Variants in OR7D2 observed in about 807,000 individuals in gnomAD.
The protein encoded by OR7D2 is olfactory receptor 7D2.
For missense variants in OR7D2, 370 were observed against 384.1 expected, an observed-to-expected ratio of 0.96 and a Z score of 0.31; for synonymous variants, 158 against 158.7, an observed-to-expected ratio of 1.00 and a Z score of 0.03.
At chr19:9,184,710 TTTG>T (rs1243131287) in intron 2 of OR7D2, among the ~76,000 whole-genome samples, 2 of 152,124 alleles carry the variant, frequency 1.3e-5, no homozygotes, top group Non-Finnish European at 2.9e-5. Flanking sequence ...TATATGTACA[TTTG>T]TGTGTGTGTA....
At chr19:9,182,986 C>A (rs2051001931) in intron 2 of OR7D2, 1 of 461,436 alleles carries the variant, frequency 2.2e-6, no homozygotes, top group Admixed American at 2.5e-5. Context: ...CAGATAATAT[C>A]AATTTGACAT....
At chr19:9,181,786 G>C (rs961922503) in intron 2 of OR7D2, among the ~76,000 whole-genome samples, 1 of 152,042 alleles carries the variant, frequency 6.6e-6, no homozygotes, top group Non-Finnish European at 1.5e-5. Context: ...CATTTTTGAA[G>C]AGCACAAGTG....
intron 2 of OR7D2, among the ~76,000 whole-genome samples, chr19:9,183,833 T>C (rs1369726885): frequency 1.3e-5 from 2 of 148,410 alleles, no homozygotes; most frequent in East Asian, 4.0e-4. Flanking sequence ...GGCGGGCGCC[T>C]GTAGTCCCAG....
intron 2 of OR7D2, among the ~76,000 whole-genome samples, chr19:9,184,333 A>C (rs2051014491): frequency 6.6e-6 from 1 of 151,972 alleles, no homozygotes; most frequent in South Asian, 2.1e-4. Flanking sequence ...AGAATCGCTT[A>C]AACTTGGGAG....
At position 9,188,243 on chromosome 19, in the gene OR7D2, C is replaced by T. The variant is rs1260650672; in HGVS notation, c.*1523C>T. Reference sequence around the variant, plus strand: ...AGTAGCTGGGACTACAGGCACCTGCCACCCCACCCAGCTAATTCTTCTATT... The same window carrying T: ...AGTAGCTGGGACTACAGGCACCTGCTACCCCACCCAGCTAATTCTTCTATT... On this transcript the variant is annotated 3_prime_UTR_variant, in exon 3 of 3. Transcript: ENST00000641288. The T allele has an allele frequency of 1.3e-5, 2 of 152,214 alleles. No homozygotes were observed. The highest frequency in any genetic ancestry group is 3.2e-3 in the Middle Eastern group (1 of 316). 9.4% of individuals were successfully genotyped at this position (152,214 alleles called of 1,614,324 possible). A position where few individuals can be genotyped will look rare whatever the true frequency, so the allele number is the denominator to read the frequency against.
rs1407928401 is a variant in OR7D2 at position 9,185,751 on chromosome 19, T to A, written c.-13-18T>A. 6.7e-7 allele frequency: 1 copy of A among 1,482,756 alleles called. No homozygotes were observed. The highest frequency in any genetic ancestry group is 2.0e-5 in the Admixed American group (1 of 49,708). 91.8% of individuals were successfully genotyped at this position (1,482,756 alleles called of 1,614,324 possible). A position where few individuals can be genotyped will look rare whatever the true frequency, so the allele number is the denominator to read the frequency against. ...GGTGTCCACCACCATGCCTGGCTAA[T>A]GACCTCTTCTTTTGTAGATACATCA... On this transcript the variant is annotated intron_variant, in intron 2 of 2. Coordinates refer to ENST00000641288, the MANE Select transcript of OR7D2 (RefSeq NM_175883.4).
Position 9,186,407 on chromosome 19 carries a change from T to C in OR7D2, c.626T>C (p.Phe209Ser). 1 of 1,614,238 alleles carries C rather than the reference T, an allele frequency of 6.2e-7. No individual in the cohort carries two copies. The highest frequency in any genetic ancestry group is 8.5e-7 in the Non-Finnish European group (1 of 1,180,054). Residue 209 changes from phenylalanine (F) to serine (S), a missense_variant, in exon 3 of 3, where the codon TTT (phenylalanine) becomes TCT (serine). By Grantham distance (155) the Phe-to-Ser change is radical. Coordinates refer to ENST00000641288, the MANE Select transcript of OR7D2 (RefSeq NM_175883.4). Reference sequence around the variant, plus strand: ...TTTATGACGGGTGTGCTGGGCGTTTTTCCCCTCCTTGGGATCATTTTCTCT... The same window carrying C: ...TTTATGACGGGTGTGCTGGGCGTTTCTCCCCTCCTTGGGATCATTTTCTCT... Reference protein sequence around the residue: ...IYFMTGVLGVFPLLGIIFSYS... With the variant: ...IYFMTGVLGVSPLLGIIFSYS...
chr19:9,183,116 A>G, intron 2 of OR7D2: 1 of 250,808 alleles, frequency 4.0e-6, no homozygotes, highest in South Asian at 4.1e-5. Context: ...GCCCACAGCC[A>G]GCGCAGCAGG....
Position 9,185,865 on chromosome 19 carries a change from T to C in OR7D2, c.84T>C (p.Phe28=), listed in dbSNP as rs758977250. The C allele has an allele frequency of 4.1e-5, 66 of 1,613,584 alleles. No individual in the cohort carries two copies. The South Asian group carries it at 7.3e-4, about 18-fold the overall frequency. Residue 28 remains phenylalanine, a synonymous_variant, in exon 3 of 3, where the codon TTT becomes TTC. Coordinates refer to ENST00000641288, the MANE Select transcript of OR7D2 (RefSeq NM_175883.4). ...SEDPELQPFI[F]GLFLSMYLVT... is the part of the protein sequence containing the mutation. ...ATCCAGAACTACAGCCGTTCATATTTGGGCTGTTCCTGTCCATGTACCTGG... is the reference window on the plus strand; with the variant it reads ...ATCCAGAACTACAGCCGTTCATATTCGGGCTGTTCCTGTCCATGTACCTGG...
intron 1 of OR7D2, among the ~76,000 whole-genome samples, chr19:9,180,040 C>T (rs1375723290): frequency 1.3e-5 from 2 of 151,346 alleles, no homozygotes; most frequent in African/African-American, 4.9e-5. Flanking sequence ...CAAAACAAAA[C>T]AAGTATGTAT....
chr19:9,179,589 C>T (rs1319860116), intron 1 of OR7D2, among the ~76,000 whole-genome samples: 1 of 152,108 alleles, frequency 6.6e-6, no homozygotes, highest in Non-Finnish European at 1.5e-5. Flanking sequence ...TCACCTCCAC[C>T]TCTGATGGCC....
Position 9,185,990 on chromosome 19 carries a change from A to C in OR7D2, c.209A>C (p.Asp70Ala). ...YFFLSNLSWV[D>A]ICFSTCIVPK... is the part of the protein sequence containing the mutation. ...TTCCTCTCCAACCTGTCCTGGGTTG[A>C]CATCTGTTTCAGCACTTGCATCGTC... The change falls in exon 3 of 3, where the codon GAC becomes GCC. Residue 70 changes from aspartate (D) to alanine (A), a missense_variant. Asp to Ala is a moderately radical substitution (Grantham distance 126, BLOSUM62 -2). Coordinates refer to ENST00000641288, the MANE Select transcript of OR7D2 (RefSeq NM_175883.4). 1 of 1,614,120 alleles carries C rather than the reference A, an allele frequency of 6.2e-7. No individual in the cohort carries two copies. Among genetic ancestry groups the C allele is most frequent in the Non-Finnish European group, 8.5e-7 (1 of 1,180,030 alleles).
chr19:9,184,798 T>C (rs1034074127), intron 2 of OR7D2, among the ~76,000 whole-genome samples: 2 of 152,282 alleles, frequency 1.3e-5, no homozygotes, highest in South Asian at 4.1e-4. Context: ...TGTATGTGTG[T>C]GTATATATAT....
chr19:9,186,341 T>C lies in OR7D2; in HGVS notation c.560T>C (p.Leu187Pro), dbSNP rs755974340. Residue 187 changes from leucine to proline, a missense_variant, in exon 3 of 3, where the codon CTG (leucine) becomes CCG (proline). Leu to Pro is a moderately conservative substitution (Grantham distance 98). Coordinates refer to ENST00000641288, the MANE Select transcript of OR7D2 (RefSeq NM_175883.4). ...FFCELTYILQLACSDTFLNST... is the reference protein window; with the variant it reads ...FFCELTYILQPACSDTFLNST... ...TGCGAACTGACGTACATCCTCCAGC[T>C]GGCCTGCTCTGATACCTTCCTGAAC... The C allele has an allele frequency of 6.2e-7, 1 of 1,614,100 alleles. No homozygotes were observed. Among genetic ancestry groups the C allele is most frequent in the Non-Finnish European group, 8.5e-7 (1 of 1,179,984 alleles).
At chr19:9,183,274 C>G (rs1197155818) in intron 2 of OR7D2, among the ~76,000 whole-genome samples, 1 of 152,036 alleles carries the variant, frequency 6.6e-6, no homozygotes, top group Non-Finnish European at 1.5e-5. Flanking sequence ...GGTGGGAGAT[C>G]CGTGTAATTT....
intron 1 of OR7D2, 50 bp from the exon 2 acceptor site, chr19:9,180,648 T>C (rs2050983174): frequency 6.9e-6 from 1 of 144,170 alleles, no homozygotes; most frequent in Admixed American, 7.5e-5. Flanking sequence ...AATTTGCAGA[T>C]TTCTTGTTTG....
chr19:9,185,571 T>C (rs928841853), intron 2 of OR7D2, 198 bp from the exon 3 acceptor site: 12 of 227,150 alleles, frequency 5.3e-5, no homozygotes, highest in Non-Finnish European at 8.4e-5. Flanking sequence ...TACATAGTTT[T>C]ATTTTTATTT....
At chr19:9,185,484 C>T (rs2051023690) in intron 2 of OR7D2, 1 of 151,402 alleles carries the variant, frequency 6.6e-6, no homozygotes, top group Non-Finnish European at 1.5e-5. Flanking sequence ...ACTGATGTTT[C>T]TCTTACCGCT....
chr19:9,183,011 C>T, intron 2 of OR7D2: 1 of 426,246 alleles, frequency 2.3e-6, no homozygotes. Flanking sequence ...GGCATCAGGG[C>T]CTTCACAGCC....
Sources: allele counts gnomAD v4.1 joint callset (sites outside exome capture counted in the v4.1 genomes callset), GRCh38; gene constraint gnomAD v4.1.1; transcripts MANE v1.5; gene names NCBI Gene and HGNC (gene_info 2026-07-23, HGNC 2026-07-21).